MEIS2: variants seen among roughly 807,000 people sequenced by gnomAD.
MEIS2 encodes homeobox protein Meis2.
Under a neutral mutation model 58.6 loss-of-function variants are expected in MEIS2, and 9 were observed. That is an observed-to-expected ratio of 0.15 (90% CI 0.09 to 0.27). The LOEUF (loss-of-function observed/expected upper bound fraction) is 0.27, where lower values mean the gene tolerates loss of function less well. Among genes scored for constraint, MEIS2 ranks in the 10% least tolerant of loss-of-function variants. The probability of loss-of-function intolerance (pLI) is 1.00; values close to 1 mark genes in which losing one functional copy is unlikely to be tolerated. For synonymous variants in MEIS2, 221 were observed against 228.4 expected (o/e 0.97, Z 0.29); for missense variants, 427 against 635.0 (o/e 0.67, Z 3.52).
At chr15:37,036,989 G>A in intron 7 of MEIS2, 30 bp from the exon 8 acceptor site, 2 of 1,578,420 alleles carry the variant, frequency 1.3e-6, no homozygotes, top group Non-Finnish European at 1.7e-6. Context: ...ATACATTAGA[G>A]AAAACATCGC....
chr15:36,953,348 T>G (rs950608217), intron 8 of MEIS2, among the ~76,000 whole-genome samples: 1 of 152,238 alleles, frequency 6.6e-6, no homozygotes, highest in Non-Finnish European at 1.5e-5. Flanking sequence ...TGTATATTAC[T>G]AAATGTCTGA....
At chr15:36,927,928 A>C (rs1488629289) in intron 9 of MEIS2, among the ~76,000 whole-genome samples, 4 of 152,164 alleles carry the variant, frequency 2.6e-5, no homozygotes, top group African/African-American at 9.7e-5. Flanking sequence ...TAAATAAACA[A>C]ATGCTTAGAG....
At chr15:36,971,656 A>C (rs1397554997) in intron 8 of MEIS2, among the ~76,000 whole-genome samples, 10 of 151,862 alleles carry the variant, frequency 6.6e-5, no homozygotes, top group Admixed American at 2.6e-4. Flanking sequence ...AATGCTTTTA[A>C]GTTTTCCCTG....
chr15:36,965,431 T>C (rs995583071), intron 8 of MEIS2, among the ~76,000 whole-genome samples: 1 of 152,174 alleles, frequency 6.6e-6, no homozygotes. Context: ...TTGTGTAAGA[T>C]TTAGTAATTT....
intron 9 of MEIS2, among the ~76,000 whole-genome samples, chr15:36,898,996 T>G (rs1202322607): frequency 1.3e-5 from 2 of 152,208 alleles, no homozygotes; most frequent in Non-Finnish European, 2.9e-5. Flanking sequence ...TACCCACTTC[T>G]CCTAAGCAAA....
Position 36,995,706 on chromosome 15 carries a change from TAAAAAAAAAAAA to T in MEIS2, c.900+41096_900+41107del, listed in dbSNP as rs71821151. ...ATCAGCTAGCTCAGTTTACAGCTACTAAAAAAAAAAAAAAAAAAAAAAAAACAAAGAAAAGAA... is the reference window on the plus strand; with the variant it reads ...ATCAGCTAGCTCAGTTTACAGCTACTAAAAAAAAAAAAACAAAGAAAAGAA... On this transcript the variant is annotated intron_variant, in intron 8 of 11. Coordinates refer to ENST00000561208, the MANE Select transcript of MEIS2 (RefSeq NM_170675.5). Among the ~76,000 whole-genome samples, 10 of 4,122 alleles carry T rather than the reference TAAAAAAAAAAAA, an allele frequency of 2.4e-3. 1 individual carries two copies. The highest frequency in any genetic ancestry group is 3.0e-3 in the Non-Finnish European group (8 of 2,636). 2.7% of individuals were successfully genotyped at this position (4,122 alleles called of 152,430 possible).
intron 8 of MEIS2, among the ~76,000 whole-genome samples, chr15:36,963,627 T>C (rs1429409540): frequency 1.3e-5 from 2 of 152,230 alleles, no homozygotes; most frequent in African/African-American, 2.4e-5. Context: ...CTAGCCAATT[T>C]TGAAATGGCC....
intron 7 of MEIS2, chr15:37,066,611 C>T (rs897816059): frequency 6.6e-6 from 1 of 152,136 alleles, no homozygotes; most frequent in Non-Finnish European, 1.5e-5. Flanking sequence ...ACTAAATATA[C>T]AGTATTCCTT....
chr15:37,036,747 T>G, intron 8 of MEIS2, 67 bp downstream of exon 8: 191 of 1,543,608 alleles, frequency 1.2e-4, no homozygotes, highest in Middle Eastern at 1.8e-4. Flanking sequence ...AAAATCAGTA[T>G]GAGACCGTAT....
At chr15:37,073,004 T>A (rs1218775851) in intron 7 of MEIS2, among the ~76,000 whole-genome samples, 1 of 152,030 alleles carries the variant, frequency 6.6e-6, no homozygotes, top group Non-Finnish European at 1.5e-5. Context: ...TACTAAATAT[T>A]ACCAACTTGC....
intron 6 of MEIS2, among the ~76,000 whole-genome samples, chr15:37,091,169 G>T (rs1236979351): frequency 6.6e-6 from 1 of 152,198 alleles, no homozygotes; most frequent in Non-Finnish European, 1.5e-5. Context: ...GTTGAAGGAA[G>T]GCAACTTTGT....
intron 8 of MEIS2, among the ~76,000 whole-genome samples, chr15:37,028,146 T>A (rs2061773554): frequency 6.6e-6 from 1 of 152,224 alleles, no homozygotes; most frequent in Admixed American, 6.5e-5. Context: ...ATCTGGGAGG[T>A]AAGTTTCTCA....
At position 36,940,500 on chromosome 15, in the gene MEIS2, T is replaced by C. The variant is rs867734676; in HGVS notation, c.977+9824A>G. On this transcript the variant is annotated intron_variant, in intron 9 of 11. Transcript: ENST00000561208. ...CACTTTGTCTTTAGTGCAAAACACA[T>C]GGCAATAATTTAGTGAACTCCAGTG... Among the ~76,000 whole-genome samples the C allele has an allele frequency of 2.0e-5, 3 of 152,248 alleles. No homozygotes were observed. The Middle Eastern group carries it at 0.01, about 518-fold the overall frequency.
intron 8 of MEIS2, among the ~76,000 whole-genome samples, chr15:37,036,184 T>C (rs936034975): frequency 6.6e-6 from 1 of 152,226 alleles, no homozygotes; most frequent in Non-Finnish European, 1.5e-5. Context: ...TAAAACCGTT[T>C]CCAGAAGTGA....
At chr15:37,019,464 C>G (rs139708384) in intron 8 of MEIS2, among the ~76,000 whole-genome samples, 1 of 152,294 alleles carries the variant, frequency 6.6e-6, no homozygotes, top group East Asian at 1.9e-4. Context: ...CTGTAGTGCA[C>G]AGATGACAAT....
At chr15:36,900,672 G>C (rs1207623614) in intron 9 of MEIS2, among the ~76,000 whole-genome samples, 1 of 152,154 alleles carries the variant, frequency 6.6e-6, no homozygotes, top group Non-Finnish European at 1.5e-5. Context: ...TTGCTGAAGA[G>C]CTATTTCCCA....
intron 8 of MEIS2, among the ~76,000 whole-genome samples, chr15:36,966,779 T>C (rs1162709777): frequency 6.6e-6 from 1 of 152,148 alleles, no homozygotes; most frequent in Non-Finnish European, 1.5e-5. Flanking sequence ...CAAGGCACTA[T>C]ACAGAGATAG....
intron 7 of MEIS2, among the ~76,000 whole-genome samples, chr15:37,050,492 G>A (rs983831691): frequency 2.0e-5 from 3 of 152,120 alleles, no homozygotes; most frequent in African/African-American, 7.2e-5. Context: ...AATTTCAAAG[G>A]CATTAACTTG....
At chr15:37,059,245 G>A (rs946598209) in intron 7 of MEIS2, among the ~76,000 whole-genome samples, 6 of 152,094 alleles carry the variant, frequency 3.9e-5, no homozygotes, top group Non-Finnish European at 7.3e-5. Flanking sequence ...TCTCATTGTC[G>A]TGGATTGTTA....
Sources: allele counts gnomAD v4.1 joint callset (sites outside exome capture counted in the v4.1 genomes callset), GRCh38; gene constraint gnomAD v4.1.1; transcripts MANE v1.5; gene names NCBI Gene and HGNC (gene_info 2026-07-23, HGNC 2026-07-21).